VPS37A: variants seen among roughly 807,000 people sequenced by gnomAD.
VPS37A encodes VPS37A subunit of ESCRT-I.
Under a neutral mutation model 49.8 loss-of-function variants are expected in VPS37A, and 30 were observed. The ratio of observed to expected loss-of-function variants is 0.60; its 90% CI spans 0.45 to 0.82. The LOEUF (loss-of-function observed/expected upper bound fraction) is 0.82. Among genes scored for constraint, VPS37A ranks in the 40% least tolerant of loss-of-function variants. The pLI, the probability that VPS37A is intolerant of heterozygous loss-of-function variation, is 0.00. For synonymous variants in VPS37A, 195 were observed against 160.6 expected, an observed-to-expected ratio of 1.21 and a Z score of -1.62; for missense variants, 593 against 464.4, an observed-to-expected ratio of 1.28 and a Z score of -2.55.
At chr8:17,328,633 G>C in the VPS37A span, among the ~76,000 whole-genome samples, 6 of 152,144 alleles carry the variant, frequency 3.9e-5, no homozygotes, top group Non-Finnish European at 7.3e-5. Context: ...TTAACAGTTA[G>C]ATGATGGGTT....
chr8:17,268,748 A>T, intron 3 of VPS37A, 108 bp from the exon 4 acceptor site: 1 of 762,398 alleles, frequency 1.3e-6, no homozygotes, highest in Admixed American at 3.1e-5. Flanking sequence ...TTTTCATTTA[A>T]TTCTTGACCT....
At chr8:17,261,182 C>T (rs1264793913) in intron 1 of VPS37A, among the ~76,000 whole-genome samples, 2 of 152,106 alleles carry the variant, frequency 1.3e-5, no homozygotes, top group South Asian at 4.2e-4. Flanking sequence ...TCTTCTTTCT[C>T]TTACTGTGTA....
chr8:17,248,922 A>G (rs1186188700), intron 1 of VPS37A, among the ~76,000 whole-genome samples: 3 of 152,204 alleles, frequency 2.0e-5, no homozygotes, highest in Non-Finnish European at 4.4e-5. Context: ...CATGTTCTGT[A>G]CTGACCTTTA....
At chr8:17,249,950 TAGAC>T (rs1477753857) in intron 1 of VPS37A, among the ~76,000 whole-genome samples, 1 of 152,188 alleles carries the variant, frequency 6.6e-6, no homozygotes, top group African/African-American at 2.4e-5. Flanking sequence ...GTAATGGTAA[TAGAC>T]AGAGGTAGGG....
chr8:17,248,826 A>G (rs1183804215), intron 1 of VPS37A, among the ~76,000 whole-genome samples: 1 of 152,218 alleles, frequency 6.6e-6, no homozygotes, highest in Non-Finnish European at 1.5e-5. Context: ...GCTGTTTAAC[A>G]GAAAAGAATG....
At chr8:17,281,149 T>G (rs571458345) in intron 9 of VPS37A, among the ~76,000 whole-genome samples, 3 of 152,110 alleles carry the variant, frequency 2.0e-5, no homozygotes, top group Admixed American at 2.0e-4. Context: ...AATAAAGAAA[T>G]AATAGCTAAC....
chr8:17,252,688 C>G (rs1812086264), intron 1 of VPS37A, among the ~76,000 whole-genome samples: 1 of 152,182 alleles, frequency 6.6e-6, no homozygotes, highest in South Asian at 2.1e-4. Context: ...ACCCATTTCA[C>G]TAGTTTGCAA....
chr8:17,248,716 G>A (rs577710142), intron 1 of VPS37A, among the ~76,000 whole-genome samples: 7 of 152,194 alleles, frequency 4.6e-5, no homozygotes, highest in African/African-American at 1.4e-4. Context: ...AAATCAGTTT[G>A]GCTAAAATAA....
downstream of VPS37A, chr8:17,304,271 C>T: frequency 7.9e-7 from 1 of 1,259,024 alleles, no homozygotes; most frequent in Non-Finnish European, 1.1e-6. Context: ...CTTTTGTGTC[C>T]AATAAAAGCC....
At chr8:17,294,504 C>T (rs756629776) in intron 11 of VPS37A, among the ~76,000 whole-genome samples, 2 of 152,158 alleles carry the variant, frequency 1.3e-5, no homozygotes, top group African/African-American at 4.8e-5. Flanking sequence ...AAAAAAAATT[C>T]CTGCAGCTAG....
intron 1 of VPS37A, among the ~76,000 whole-genome samples, chr8:17,249,780 A>G (rs1811801608): frequency 6.6e-6 from 1 of 152,240 alleles, no homozygotes; most frequent in Non-Finnish European, 1.5e-5. Context: ...CAGGTTAACA[A>G]GCGAAAAGCA....
chr8:17,265,134 G>T (rs1381625709), intron 1 of VPS37A, among the ~76,000 whole-genome samples: 1 of 152,100 alleles, frequency 6.6e-6, no homozygotes, highest in Non-Finnish European at 1.5e-5. Flanking sequence ...TTTCCTTAGT[G>T]CATGGCTTCA....
the VPS37A span, among the ~76,000 whole-genome samples, chr8:17,312,574 C>CAAAAA: frequency 8.0e-5 from 7 of 87,252 alleles, no homozygotes; most frequent in African/African-American, 3.3e-4. Flanking sequence ...GACTCCCTCT[C>CAAAAA]AAAAAAAAAA....
In VPS37A at chr8:17,249,495, T is replaced by G. The variant is rs1303981104; in HGVS notation, c.125+2126T>G. Among the ~76,000 whole-genome samples the G allele has an allele frequency of 2.6e-5, 4 of 152,212 alleles. No homozygotes were observed. In the East Asian group the frequency reaches 5.8e-4, roughly 22 times the overall value. On this transcript the variant is annotated intron_variant, in intron 1 of 11. Coordinates refer to ENST00000324849, the MANE Select transcript of VPS37A (RefSeq NM_152415.3). ...GTTCTTTTATAAAAACACTTGAAGT[T>G]TTATTGAGATGTTTCGCATTTACAA...
At position 17,279,202 on chromosome 8, in the gene VPS37A, T is replaced by C. The variant is rs955245600; in HGVS notation, c.714-826T>C. ...CGTGTCTTACTGGTCCTACAGTAAC[T>C]GACATTATACACTAGCAGAGACTGT... On this transcript the variant is annotated intron_variant, in intron 6 of 11. Transcript: ENST00000324849. Among the ~76,000 whole-genome samples, 5 of 152,278 alleles carry C rather than the reference T, an allele frequency of 3.3e-5. No individual in the cohort carries two copies. The East Asian group carries it at 7.7e-4, about 23-fold the overall frequency.
chr8:17,259,827 C>G (rs1381750631), intron 1 of VPS37A, among the ~76,000 whole-genome samples: 1 of 151,950 alleles, frequency 6.6e-6, no homozygotes, highest in African/African-American at 2.4e-5. Context: ...TATATAGTGA[C>G]CTTTGATTCT....
the VPS37A span, among the ~76,000 whole-genome samples, chr8:17,310,271 G>A: frequency 1.3e-5 from 2 of 152,066 alleles, no homozygotes; most frequent in African/African-American, 4.8e-5. Context: ...AAAATGCTGG[G>A]ATTACAGGTG....
At position 17,280,458 on chromosome 8, in the gene VPS37A, T is replaced by A; in HGVS notation, c.969+15T>A. On this transcript the variant is annotated intron_variant, in intron 9 of 11. Coordinates refer to ENST00000324849, the MANE Select transcript of VPS37A (RefSeq NM_152415.3). ...AACTTAGTGAGGTAAGACTGTTTATTTTTTTCCCTTTGCCATAGATTTTTT... is the reference window on the plus strand; with the variant it reads ...AACTTAGTGAGGTAAGACTGTTTATATTTTTCCCTTTGCCATAGATTTTTT... 1.6e-5 allele frequency: 25 copies of A among 1,578,716 alleles called. No homozygotes were observed. Among genetic ancestry groups the A allele is most frequent in the Non-Finnish European group, 2.1e-5 (25 of 1,170,328 alleles).
intron 9 of VPS37A, among the ~76,000 whole-genome samples, chr8:17,281,148 A>G (rs1815019823): frequency 6.6e-6 from 1 of 152,028 alleles, no homozygotes; most frequent in South Asian, 2.1e-4. Context: ...GAATAAAGAA[A>G]TAATAGCTAA....
Sources: allele counts gnomAD v4.1 joint callset (sites outside exome capture counted in the v4.1 genomes callset), GRCh38; gene constraint gnomAD v4.1.1; transcripts MANE v1.5; gene names NCBI Gene and HGNC (gene_info 2026-07-23, HGNC 2026-07-21).